Variants in NKAIN1 observed in about 807,000 individuals in gnomAD.
NKAIN1 encodes sodium/potassium transporting ATPase interacting 1.
Under a neutral mutation model 31.6 loss-of-function variants are expected in NKAIN1, and 13 were observed. The observed-to-expected ratio is 0.41, with a 90% CI of 0.27 to 0.65. NKAIN1 has a LOEUF of 0.65. Among genes scored for constraint, NKAIN1 ranks in the 30% least tolerant of loss-of-function variants. The probability of loss-of-function intolerance (pLI) is 0.30; values close to 1 mark genes in which losing one functional copy is unlikely to be tolerated. For missense variants in NKAIN1, 193 were observed against 262.2 expected (o/e 0.74, Z 1.82); for synonymous variants, 104 against 109.0 (o/e 0.95, Z 0.28).
chr1:31,206,141 A>C (rs2148357360), intron 1 of NKAIN1, among the ~76,000 whole-genome samples: 1 of 150,876 alleles, frequency 6.6e-6, no homozygotes. Flanking sequence ...AGGCTGAGGC[A>C]GGAGAATCGC....
intron 1 of NKAIN1, among the ~76,000 whole-genome samples, chr1:31,194,354 CT>C (rs1408434051): frequency 3.7e-5 from 2 of 54,720 alleles, no homozygotes; most frequent in Admixed American, 2.1e-4. Flanking sequence ...TTTCTTTTTC[CT>C]TTTTCTTTCC....
chr1:31,208,641 GC>G (rs1557656655), intron 1 of NKAIN1, among the ~76,000 whole-genome samples: 4 of 150,698 alleles, frequency 2.7e-5, no homozygotes, highest in South Asian at 4.2e-4. Context: ...GGGGGAGGGG[GC>G]CCTGGAAACC....
intron 1 of NKAIN1, among the ~76,000 whole-genome samples, chr1:31,226,331 T>TA (rs1214629730): frequency 6.6e-5 from 10 of 150,786 alleles, no homozygotes; most frequent in Non-Finnish European, 5.9e-5. Flanking sequence ...AAAAATCCTG[T>TA]AAAAACAAGC....
chr1:31,188,389 A>G, intron 1 of NKAIN1: 1 of 595,608 alleles, frequency 1.7e-6, no homozygotes, highest in Non-Finnish European at 2.9e-6. Context: ...GAAAGGTGAT[A>G]GGAGTGAGGG....
chr1:31,214,732 G>A (rs916643060), intron 1 of NKAIN1, among the ~76,000 whole-genome samples: 1 of 152,246 alleles, frequency 6.6e-6, no homozygotes, highest in African/African-American at 2.4e-5. Context: ...GGAGGAAAGG[G>A]AGGGAGAATC....
At chr1:31,216,696 T>TATTTATCTATTTATC (rs1557659459) in intron 1 of NKAIN1, among the ~76,000 whole-genome samples, 6 of 46,608 alleles carry the variant, frequency 1.3e-4, no homozygotes, top group East Asian at 2.9e-3. Flanking sequence ...TGACTTTTAT[T>TATTTATCTATTTATC]TATTTATTTA....
chr1:31,201,650 C>A (rs752413066), intron 1 of NKAIN1, among the ~76,000 whole-genome samples: 1 of 152,144 alleles, frequency 6.6e-6, no homozygotes, highest in African/African-American at 2.4e-5. Flanking sequence ...CGTGAGCCAC[C>A]GCGCCCGGCC....
intron 1 of NKAIN1, among the ~76,000 whole-genome samples, chr1:31,209,090 C>T (rs998554514): frequency 1.1e-4 from 17 of 152,124 alleles, no homozygotes; most frequent in Admixed American, 3.9e-4. Flanking sequence ...GAAATGCAGC[C>T]CAGGGCTGGA....
chr1:31,183,112 C>T (rs1645215256), intron 4 of NKAIN1, among the ~76,000 whole-genome samples: 1 of 152,184 alleles, frequency 6.6e-6, no homozygotes. Context: ...GCCTCAACCT[C>T]TCAAGTAGCT....
chr1:31,225,820 C>T (rs1260467150), intron 1 of NKAIN1, among the ~76,000 whole-genome samples: 1 of 152,210 alleles, frequency 6.6e-6, no homozygotes, highest in African/African-American at 2.4e-5. Flanking sequence ...ATGCCTCATT[C>T]CTCCAGGAGA....
intron 1 of NKAIN1, among the ~76,000 whole-genome samples, chr1:31,230,261 C>T (rs1645637959): frequency 6.6e-6 from 1 of 152,156 alleles, no homozygotes; most frequent in African/African-American, 2.4e-5. Context: ...CTCCCAACAA[C>T]TCTCTGAAGT....
At chr1:31,236,623 G>A (rs1392130275) in intron 1 of NKAIN1, among the ~76,000 whole-genome samples, 1 of 152,166 alleles carries the variant, frequency 6.6e-6, no homozygotes. Flanking sequence ...AGCCAAGAGA[G>A]CAATTTTCAA....
At chr1:31,202,168 A>C (rs1351126980) in intron 1 of NKAIN1, among the ~76,000 whole-genome samples, 1 of 152,004 alleles carries the variant, frequency 6.6e-6, no homozygotes, top group African/African-American at 2.4e-5. Context: ...CCATCCCCTC[A>C]TCTCAGTGAC....
chr1:31,200,025 GCACA>G (rs3046275), intron 1 of NKAIN1, among the ~76,000 whole-genome samples: 3 of 49,320 alleles, frequency 6.1e-5, no homozygotes, highest in East Asian at 5.6e-4. Context: ...ACACACACAC[GCACA>G]CACACACACA....
Position 31,181,955 on chromosome 1 carries a change from G to A in NKAIN1, c.533-14C>T, listed in dbSNP as rs1253413349. On this transcript the variant is annotated splice_polypyrimidine_tract_variant and intron_variant, in intron 5 of 6. Transcript: ENST00000373736. Reference sequence around the variant, plus strand: ...CGATGAAGTCAACTGCGGAAGAGGGGCGGCGCATGTTAGGGATCGGCGGCG... The same window carrying A: ...CGATGAAGTCAACTGCGGAAGAGGGACGGCGCATGTTAGGGATCGGCGGCG... The A allele has an allele frequency of 6.2e-7, 1 of 1,601,500 alleles. No individual in the cohort carries two copies. Among genetic ancestry groups the A allele is most frequent in the Non-Finnish European group, 8.5e-7 (1 of 1,174,770 alleles).
At chr1:31,201,017 G>C (rs533323570) in intron 1 of NKAIN1, among the ~76,000 whole-genome samples, 89 of 151,830 alleles carry the variant, frequency 5.9e-4, no homozygotes, top group Non-Finnish European at 6.8e-4. Flanking sequence ...ATTTTTAGTA[G>C]AGACAGGGTT....
In NKAIN1 at chr1:31,181,601, G is replaced by T; in HGVS notation, c.*102C>A. ...CGCGGGGTTGGGCACAGGCTGCAGT[G>T]AGCGCGCGGGCCACCAGGGGGACAC... On this transcript the variant is annotated 3_prime_UTR_variant, in exon 7 of 7. Transcript: ENST00000373736. 8.4e-7 allele frequency: 1 copy of T among 1,187,810 alleles called. No individual in the cohort carries two copies. Among genetic ancestry groups the T allele is most frequent in the Non-Finnish European group, 1.1e-6 (1 of 891,090 alleles). 73.6% of individuals were successfully genotyped at this position (1,187,810 alleles called of 1,614,324 possible).
chr1:31,191,072 C>G, intron 1 of NKAIN1, among the ~76,000 whole-genome samples: 1 of 152,186 alleles, frequency 6.6e-6, no homozygotes, highest in East Asian at 1.9e-4. Flanking sequence ...CGGCGGACCA[C>G]TTGAGGTCAG....
At chr1:31,210,304 T>C (rs983239589) in intron 1 of NKAIN1, among the ~76,000 whole-genome samples, 1 of 151,468 alleles carries the variant, frequency 6.6e-6, no homozygotes, top group Non-Finnish European at 1.5e-5. Flanking sequence ...TTTTTTTTTT[T>C]TTTTAATGGA....
Sources: allele counts gnomAD v4.1 joint callset (sites outside exome capture counted in the v4.1 genomes callset), GRCh38; gene constraint gnomAD v4.1.1; transcripts MANE v1.5; gene names NCBI Gene and HGNC (gene_info 2026-07-23, HGNC 2026-07-21).